The following RIPOR2 variants were observed in gnomAD, a reference collection of about 807,000 sequenced individuals.
RIPOR2 encodes rho family-interacting cell polarization regulator 2.
Under a neutral mutation model 114.5 loss-of-function variants are expected in RIPOR2, and 39 were observed. The observed-to-expected ratio is 0.34, with a 90% CI of 0.26 to 0.44. The LOEUF is 0.44. Among genes scored for constraint, RIPOR2 ranks in the 20% least tolerant of loss-of-function variants. RIPOR2 has a pLI of 1.00. For synonymous variants in RIPOR2, 445 were observed against 484.4 expected (o/e 0.92, Z 1.07); for missense variants, 1,007 against 1,255.1 (o/e 0.80, Z 2.99).
At chr6:24,927,128 AT>A (rs1561782350) in intron 1 of RIPOR2, among the ~76,000 whole-genome samples, 135 of 1,226 alleles carry the variant, frequency 0.11, 63 homozygotes, top group Admixed American at 0.47. Flanking sequence ...TATAATCATC[AT>A]CTCACTACCA....
intron 18 of RIPOR2, among the ~76,000 whole-genome samples, chr6:24,827,008 T>C (rs114321927): frequency 2.9e-3 from 435 of 152,178 alleles, no homozygotes; most frequent in African/African-American, 0.01. Context: ...TGTTAGTAAA[T>C]GAGTAGGCCT....
At chr6:24,896,957 C>G (rs1430353957) in intron 1 of RIPOR2, among the ~76,000 whole-genome samples, 1 of 152,076 alleles carries the variant, frequency 6.6e-6, no homozygotes, top group African/African-American at 2.4e-5. Flanking sequence ...CACAGGATCC[C>G]AGGGTATTTT....
upstream of RIPOR2, among the ~76,000 whole-genome samples, chr6:24,939,150 G>A (rs1171290441): frequency 6.6e-6 from 1 of 151,868 alleles, no homozygotes; most frequent in Non-Finnish European, 1.5e-5. Flanking sequence ...GAGGTGAAGT[G>A]ATCCACCCAA....
At chr6:24,928,483 G>A (rs1771134520) in intron 1 of RIPOR2, among the ~76,000 whole-genome samples, 1 of 152,194 alleles carries the variant, frequency 6.6e-6, no homozygotes, top group African/African-American at 2.4e-5. Flanking sequence ...GGCTCAGCCA[G>A]CTGACTCATC....
chr6:24,849,615 C>G (rs563914707), intron 11 of RIPOR2, among the ~76,000 whole-genome samples, 187 bp downstream of exon 11: 35 of 152,176 alleles, frequency 2.3e-4, no homozygotes, highest in African/African-American at 8.2e-4. Flanking sequence ...TGCACCTTAC[C>G]CGGGGAGTTT....
upstream of RIPOR2, among the ~76,000 whole-genome samples, chr6:24,936,851 G>C (rs773298652): frequency 2.0e-5 from 3 of 152,148 alleles, no homozygotes; most frequent in Non-Finnish European, 4.4e-5. Context: ...TCTCTTAGGT[G>C]GCCAGAAGCT....
chr6:24,845,520 A>G (rs1762177293), intron 12 of RIPOR2, among the ~76,000 whole-genome samples: 2 of 152,044 alleles, frequency 1.3e-5, no homozygotes, highest in South Asian at 4.1e-4. Context: ...TGGCAGGGAG[A>G]TTGGGTAGTC....
At chr6:24,885,099 G>A (rs967923479) in intron 1 of RIPOR2, among the ~76,000 whole-genome samples, 4 of 152,182 alleles carry the variant, frequency 2.6e-5, no homozygotes, top group African/African-American at 7.2e-5. Flanking sequence ...ACTGAGCTCT[G>A]CTTTTAAAAA....
chr6:25,012,697 G>A (rs554750074), intron 1 of RIPOR2, among the ~76,000 whole-genome samples: 1 of 152,176 alleles, frequency 6.6e-6, no homozygotes, highest in Non-Finnish European at 1.5e-5. Context: ...GAGATAGAGA[G>A]TAGATTAGTG....
chr6:24,973,764 CA>C (rs200009418), intron 1 of RIPOR2, among the ~76,000 whole-genome samples: 2 of 151,822 alleles, frequency 1.3e-5, no homozygotes, highest in African/African-American at 2.4e-5. Context: ...AATGCAGCCA[CA>C]AAAAAAGAAT....
intron 12 of RIPOR2, among the ~76,000 whole-genome samples, chr6:24,844,674 G>T (rs1189934985): frequency 6.6e-6 from 1 of 151,676 alleles, no homozygotes; most frequent in Non-Finnish European, 1.5e-5. Context: ...ACAGGATTTC[G>T]CCATGTTGGT....
At position 24,809,697 on chromosome 6, in the gene RIPOR2, A is replaced by G; in HGVS notation, c.3043+20T>C. ...GTGCCAGAAGCAAACAATCATGTAA[A>G]CAACAACAATAAAACTCACCCAGAG... On this transcript the variant is annotated intron_variant, in intron 21 of 21. Coordinates refer to ENST00000643898, the MANE Select transcript of RIPOR2 (RefSeq NM_001286445.3). The G allele has an allele frequency of 6.8e-7, 1 of 1,469,408 alleles. No individual in the cohort carries two copies. Among genetic ancestry groups the G allele is most frequent in the Non-Finnish European group, 9.3e-7 (1 of 1,071,598 alleles). 91.0% of individuals were successfully genotyped at this position (1,469,408 alleles called of 1,614,324 possible). A position where few individuals can be genotyped will look rare whatever the true frequency, so the allele number is the denominator to read the frequency against.
At chr6:24,995,726 A>G (rs993267628) in intron 1 of RIPOR2, among the ~76,000 whole-genome samples, 3 of 152,128 alleles carry the variant, frequency 2.0e-5, no homozygotes, top group Non-Finnish European at 4.4e-5. Context: ...GGGATATTTT[A>G]TATCTGTATA....
intron 5 of RIPOR2, among the ~76,000 whole-genome samples, chr6:24,870,049 T>A (rs1179163950): frequency 6.6e-6 from 1 of 152,222 alleles, no homozygotes; most frequent in Non-Finnish European, 1.5e-5. Flanking sequence ...CAGCACCGTA[T>A]ATAAATTTTT....
intron 1 of RIPOR2, among the ~76,000 whole-genome samples, chr6:24,949,309 G>A (rs1232690158): frequency 6.6e-6 from 1 of 152,138 alleles, no homozygotes; most frequent in East Asian, 1.9e-4. Flanking sequence ...AAAACAAGAA[G>A]CAAAACCCAG....
chr6:24,848,022 T>TA lies in RIPOR2; in HGVS notation c.1164+2dup. On this transcript the variant is annotated splice_region_variant and intron_variant, in intron 12 of 21. Transcript: ENST00000643898. Reference sequence around the variant, plus strand: ...TCTACTCGGGAAATTACACTGAACTTACAAAGAAGGAGTGGTCTTTGAAGG... The same window carrying TA: ...TCTACTCGGGAAATTACACTGAACTTAACAAAGAAGGAGTGGTCTTTGAAGG... The TA allele has an allele frequency of 1.9e-6, 3 of 1,613,938 alleles. No homozygotes were observed. Among genetic ancestry groups the TA allele is most frequent in the Non-Finnish European group, 8.5e-7 (1 of 1,179,860 alleles).
chr6:24,831,106 T>C (rs1441695902), intron 16 of RIPOR2, among the ~76,000 whole-genome samples: 1 of 152,132 alleles, frequency 6.6e-6, no homozygotes. Flanking sequence ...CCCATAAGAC[T>C]GTGGTTAGTT....
chr6:25,022,531 CATTTTTTTTTTTTTTTTTTTTTT>C (rs1776375653), intron 1 of RIPOR2, among the ~76,000 whole-genome samples: 1 of 64,512 alleles, frequency 1.6e-5, no homozygotes, highest in Non-Finnish European at 3.4e-5. Context: ...TGGTACCTTC[CATTTTTTTTTTTTTTTTTTTTTT>C]TTTTTTTTTT....
intron 1 of RIPOR2, among the ~76,000 whole-genome samples, chr6:24,932,815 C>T (rs914620719): frequency 1.3e-5 from 2 of 152,072 alleles, no homozygotes; most frequent in African/African-American, 2.4e-5. Flanking sequence ...TTTTATGTTA[C>T]GGAAAACTCA....
Sources: allele counts gnomAD v4.1 joint callset (sites outside exome capture counted in the v4.1 genomes callset), GRCh38; gene constraint gnomAD v4.1.1; transcripts MANE v1.5; gene names NCBI Gene and HGNC (gene_info 2026-07-23, HGNC 2026-07-21).